MKLN1: variants seen among roughly 807,000 people sequenced by gnomAD.
MKLN1 encodes muskelin 1.
Under a neutral mutation model 99.0 loss-of-function variants are expected in MKLN1, and 18 were observed. The ratio of observed to expected loss-of-function variants is 0.18; its 90% confidence interval spans 0.13 to 0.27. MKLN1 has a LOEUF of 0.27. Ranked by LOEUF, MKLN1 falls within the 10% of genes least tolerant of loss-of-function variation. The probability of loss-of-function intolerance (pLI) is 1.00; values close to 1 mark genes in which losing one functional copy is unlikely to be tolerated. For synonymous variants in MKLN1, 288 were observed against 293.2 expected (o/e 0.98, Z 0.18); for missense variants, 621 against 875.9 (o/e 0.71, Z 3.67).
chr7:131,175,185 C>CAGATAGATAGAT (rs72403035), intron 2 of MKLN1, among the ~76,000 whole-genome samples: 1 of 140,708 alleles, frequency 7.1e-6, no homozygotes, highest in African/African-American at 2.8e-5. Context: ...GATAGATAGA[C>CAGATAGATAGAT]AGATAGATAG....
intron 10 of MKLN1, among the ~76,000 whole-genome samples, chr7:131,438,292 G>A (rs1795731343): frequency 7.9e-5 from 12 of 151,658 alleles, no homozygotes; most frequent in Admixed American, 7.9e-4. Context: ...TAATACATAT[G>A]CATAAATCAA....
At chr7:131,481,842 A>T (rs2116689792) in intron 17 of MKLN1, among the ~76,000 whole-genome samples, 1 of 151,646 alleles carries the variant, frequency 6.6e-6, no homozygotes, top group Admixed American at 6.6e-5. Flanking sequence ...ACCTCAGCCG[A>T]ACTTTCTGAA....
intron 1 of MKLN1, among the ~76,000 whole-genome samples, chr7:131,333,812 A>G (rs1328045530): frequency 6.6e-6 from 1 of 152,182 alleles, no homozygotes; most frequent in East Asian, 1.9e-4. Flanking sequence ...TGTTGGGATT[A>G]CAGCCACCAC....
intron 1 of MKLN1, among the ~76,000 whole-genome samples, chr7:131,368,370 A>G (rs1347924150): frequency 6.6e-6 from 1 of 152,234 alleles, no homozygotes; most frequent in Non-Finnish European, 1.5e-5. Flanking sequence ...ATGGTGTGTT[A>G]GTACGTTCTC....
chr7:131,393,870 C>G (rs1435780624), intron 4 of MKLN1, among the ~76,000 whole-genome samples: 1 of 152,100 alleles, frequency 6.6e-6, no homozygotes, highest in Non-Finnish European at 1.5e-5. Flanking sequence ...AAATGATCCT[C>G]TTGCTTCTGC....
At chr7:131,239,903 C>T (rs1237248907) in intron 3 of MKLN1, among the ~76,000 whole-genome samples, 10 of 151,668 alleles carry the variant, frequency 6.6e-5, no homozygotes, top group Admixed American at 6.6e-4. Context: ...AAGGTAAGGC[C>T]AGGCTTGGTG....
At chr7:131,218,463 T>C (rs1425809621) in intron 3 of MKLN1, among the ~76,000 whole-genome samples, 1 of 152,194 alleles carries the variant, frequency 6.6e-6, no homozygotes, top group Non-Finnish European at 1.5e-5. Context: ...GAAAGAAGTA[T>C]CATCGTCTTT....
At chr7:131,429,736 G>T (rs1274420013) in intron 9 of MKLN1, among the ~76,000 whole-genome samples, 4 of 152,072 alleles carry the variant, frequency 2.6e-5, no homozygotes, top group South Asian at 4.1e-4. Context: ...CCGCCACCAC[G>T]CCCAGCGAAT....
chr7:131,413,462 A>G lies in MKLN1; in HGVS notation c.782-1183A>G, dbSNP rs551161772. On this transcript the variant is annotated intron_variant, in intron 7 of 17. Coordinates refer to ENST00000352689, the MANE Select transcript of MKLN1 (RefSeq NM_013255.5). The stretch of plus-strand genomic sequence containing the variant: ...TATTTCAACTAATAGGAGAATTATG[A>G]AGAAAGCCTTAGGCTTTCTAGTTCA... Among the ~76,000 whole-genome samples the G allele has an allele frequency of 1.1e-4, 16 of 152,340 alleles. No homozygotes were observed. The South Asian group carries it at 3.3e-3, about 32-fold the overall frequency.
intron 8 of MKLN1, among the ~76,000 whole-genome samples, chr7:131,419,746 TGAGAAAGAGAGTGGGAAGAGGTGAAGTCA>T (rs1795135377): frequency 6.6e-6 from 1 of 151,994 alleles, no homozygotes. Flanking sequence ...CAGAGGTATG[TGAGAAAGAGAGTGGGAAGAGGTGAAGTCA>T]GAGAAAGAGA....
intron 12 of MKLN1, among the ~76,000 whole-genome samples, chr7:131,458,165 C>T (rs1796406758): frequency 6.6e-6 from 1 of 152,094 alleles, no homozygotes; most frequent in Non-Finnish European, 1.5e-5. Context: ...GACAGTTGAA[C>T]AGCAATGTAG....
intron 3 of MKLN1, among the ~76,000 whole-genome samples, chr7:131,212,994 G>T (rs1413851682): frequency 1.3e-5 from 2 of 150,894 alleles, no homozygotes; most frequent in East Asian, 3.9e-4. Flanking sequence ...GGGTTTGTTT[G>T]TGAAAAGTCT....
At chr7:131,245,266 G>A (rs1797468573) in intron 3 of MKLN1, among the ~76,000 whole-genome samples, 1 of 142,626 alleles carries the variant, frequency 7.0e-6, no homozygotes, top group Non-Finnish European at 1.5e-5. Context: ...TTATTATACG[G>A]TCTTTTTTTT....
At chr7:131,122,750 G>A (rs190256624) in intron 1 of MKLN1, among the ~76,000 whole-genome samples, 87 of 152,116 alleles carry the variant, frequency 5.7e-4, no homozygotes, top group Admixed American at 1.1e-3. Context: ...GGCCGGGTGC[G>A]GTGGCTCATG....
chr7:131,378,980 A>G (rs1323038780), intron 2 of MKLN1, among the ~76,000 whole-genome samples: 5 of 152,028 alleles, frequency 3.3e-5, no homozygotes, highest in Admixed American at 3.3e-4. Context: ...GACCGTGGAA[A>G]GAATTGCATT....
intron 3 of MKLN1, among the ~76,000 whole-genome samples, chr7:131,319,123 C>A (rs2398768): frequency 0.45 from 67,965 of 151,832 alleles, 16,705 homozygotes; most frequent in Admixed American, 0.59. Context: ...GATACCAAAA[C>A]CTGGCAAAGA....
At position 131,466,207 on chromosome 7, in the gene MKLN1, T is replaced by G. The variant is rs184778411; in HGVS notation, c.1789-69T>G. On this transcript the variant is annotated intron_variant, in intron 14 of 17. Transcript: ENST00000352689. Reference sequence around the variant, plus strand: ...ATGGGCTCAGGAAGTTAACCTGTTATGCACTGCTACTAGAATATCTTGGGT... The same window carrying G: ...ATGGGCTCAGGAAGTTAACCTGTTAGGCACTGCTACTAGAATATCTTGGGT... 7.8e-6 allele frequency: 9 copies of G among 1,155,580 alleles called. No homozygotes were observed. In the African/African-American group the frequency reaches 1.1e-4, roughly 14 times the overall value. 71.6% of individuals were successfully genotyped at this position (1,155,580 alleles called of 1,614,324 possible).
intron 1 of MKLN1, among the ~76,000 whole-genome samples, chr7:131,359,604 T>A (rs1799971030): frequency 6.6e-6 from 1 of 152,212 alleles, no homozygotes; most frequent in Non-Finnish European, 1.5e-5. Flanking sequence ...ATTATAATAA[T>A]GCTTCTTGAA....
intron 2 of MKLN1, among the ~76,000 whole-genome samples, chr7:131,189,825 C>T (rs1035841170): frequency 5.9e-5 from 9 of 152,010 alleles, no homozygotes; most frequent in South Asian, 2.1e-4. Context: ...TAAAAAGGAA[C>T]GGAGCTGTTG....
Sources: gnomAD v4.1 joint callset for allele counts (sites outside exome capture counted in the v4.1 genomes callset) on GRCh38, gnomAD v4.1.1 for gene constraint, MANE v1.5 for transcripts, NCBI Gene and HGNC (gene_info 2026-07-23, HGNC 2026-07-21) for gene names.